The following ALDH1A1 variants were observed in gnomAD, a reference collection of about 807,000 sequenced individuals.
The protein encoded by ALDH1A1 is aldehyde dehydrogenase 1A1.
Under a neutral mutation model 62.1 loss-of-function variants are expected in ALDH1A1, and 19 were observed. The ratio of observed to expected loss-of-function variants is 0.31; its 90% CI spans 0.21 to 0.45. The LOEUF (loss-of-function observed/expected upper bound fraction) is 0.45, where lower values mean the gene tolerates loss of function less well. ALDH1A1 is among the 20% of genes least tolerant of loss of function. The pLI is 1.00. For missense variants in ALDH1A1, 521 were observed against 607.1 expected, an observed-to-expected ratio of 0.86 and a Z score of 1.49; for synonymous variants, 231 against 215.9, an observed-to-expected ratio of 1.07 and a Z score of -0.61.
Position 72,901,050 on chromosome 9 carries a change from A to G in ALDH1A1, c.*158T>C. The G allele has an allele frequency of 2.1e-6, 1 of 485,514 alleles. No homozygotes were observed. The highest frequency in any genetic ancestry group is 3.7e-6 in the Non-Finnish European group (1 of 273,370). 30.1% of individuals were successfully genotyped at this position (485,514 alleles called of 1,614,324 possible). A position where few individuals can be genotyped will look rare whatever the true frequency, so the allele number is the denominator to read the frequency against. On this transcript the variant is annotated 3_prime_UTR_variant, in exon 13 of 13. Coordinates refer to ENST00000297785, the MANE Select transcript of ALDH1A1 (RefSeq NM_000689.5). ...AAATAATTCTTTCAGAAGAAGCTAC[A>G]TGTCAAGTTTTCTATGGGTAGTATT...
intron 2 of ALDH1A1, among the ~76,000 whole-genome samples, chr9:72,937,097 T>A (rs961223535): frequency 2.0e-5 from 3 of 152,056 alleles, no homozygotes; most frequent in African/African-American, 7.2e-5. Context: ...AATAGTCAGG[T>A]TAGTACTAAA....
chr9:72,949,309 G>A (rs1293011637), intron 1 of ALDH1A1, among the ~76,000 whole-genome samples: 1 of 151,882 alleles, frequency 6.6e-6, no homozygotes, highest in East Asian at 1.9e-4. Context: ...CAGCTGGAAA[G>A]ACCATGGTAA....
At chr9:72,912,964 C>T (rs189230701) in intron 9 of ALDH1A1, among the ~76,000 whole-genome samples, 1 of 152,142 alleles carries the variant, frequency 6.6e-6, no homozygotes, top group Non-Finnish European at 1.5e-5. Context: ...TCTTGGATTC[C>T]AAGTAACCGG....
intron 11 of ALDH1A1, among the ~76,000 whole-genome samples, chr9:72,908,568 A>G (rs1453109686): frequency 2.0e-5 from 1 of 49,938 alleles, no homozygotes; most frequent in African/African-American, 5.6e-5. Flanking sequence ...AGAAAGAAAG[A>G]AAGAAAGAAA....
Position 72,948,392 on chromosome 9 carries a change from G to T in ALDH1A1, c.66+4543C>A, listed in dbSNP as rs147589314. 1.3e-3 allele frequency among the ~76,000 whole-genome samples: 199 copies of T among 152,002 alleles called. 3 individuals are homozygous for T. Among genetic ancestry groups the T allele is most frequent in the South Asian group, 0.011 (52 of 4,810 alleles). On this transcript the variant is annotated intron_variant, in intron 1 of 12. Coordinates refer to ENST00000297785, the MANE Select transcript of ALDH1A1 (RefSeq NM_000689.5). ...TGATCTTCCTCAAAATCCGCCAGCC[G>T]ATCTGGCCCCAGCCTGTACTTCAGT... is the stretch of plus-strand genomic sequence containing the variant.
At position 72,917,020 on chromosome 9, in the gene ALDH1A1, T is replaced by A. The variant is rs748607020; in HGVS notation, c.935A>T (p.Glu312Val). The A allele has an allele frequency of 1.2e-6, 2 of 1,613,924 alleles. No individual in the cohort carries two copies. The highest frequency in any genetic ancestry group is 1.7e-6 in the Non-Finnish European group (2 of 1,179,870). Residue 312 changes from glutamate to valine, a missense_variant, in exon 9 of 13, where the codon GAA becomes GTA. By Grantham distance (121) the Glu-to-Val change is moderately radical. Coordinates refer to ENST00000297785, the MANE Select transcript of ALDH1A1 (RefSeq NM_000689.5). ...CCIAASRIFV[E>V]ESIYDEFVRR... The stretch of plus-strand genomic sequence containing the variant: ...AACAAACTCATCATAAATTGATTCT[T>A]CCACAAAAATCCTGGATGCGGCTAT...
intron 1 of ALDH1A1, among the ~76,000 whole-genome samples, chr9:72,949,987 C>T (rs1830523414): frequency 6.6e-6 from 1 of 151,662 alleles, no homozygotes; most frequent in Non-Finnish European, 1.5e-5. Flanking sequence ...CAATCTTTGT[C>T]AGATGGGACA....
intron 3 of ALDH1A1, among the ~76,000 whole-genome samples, chr9:72,930,568 T>C (rs1351132767): frequency 1.3e-5 from 2 of 152,170 alleles, no homozygotes; most frequent in African/African-American, 4.8e-5. Flanking sequence ...TCAAACTTCA[T>C]GTGATCTTAT....
chr9:72,952,689 T>C (rs1180823249), intron 1 of ALDH1A1, among the ~76,000 whole-genome samples: 1 of 152,004 alleles, frequency 6.6e-6, no homozygotes, highest in Non-Finnish European at 1.5e-5. Flanking sequence ...TAAGAATCCT[T>C]TCACACAGAA....
Position 72,908,459 on chromosome 9 carries a change from A to AGT in ALDH1A1, c.1358+1142_1358+1143insAC, listed in dbSNP as rs1829908483. ...CAAAAAAAAAAAAAAAAAAAAAAAA[A>AGT]AGAAGAAAGAAAAGAAAAGAGAGAA... is the stretch of plus-strand genomic sequence containing the variant. On this transcript the variant is annotated intron_variant, in intron 11 of 12. Transcript: ENST00000297785. Among the ~76,000 whole-genome samples, 2 of 60,316 alleles carry AGT rather than the reference A, an allele frequency of 3.3e-5. 1 individual carries two copies. Among genetic ancestry groups the AGT allele is most frequent in the Admixed American group, 3.7e-4 (2 of 5,378 alleles). The allele number at this position is 60,316 out of a possible 152,430, so 39.6% of individuals were successfully genotyped here. A position where few individuals can be genotyped will look rare whatever the true frequency, so the allele number is the denominator to read the frequency against.
At chr9:72,952,236 C>T (rs573524110) in intron 1 of ALDH1A1, among the ~76,000 whole-genome samples, 1 of 152,092 alleles carries the variant, frequency 6.6e-6, no homozygotes, top group South Asian at 2.1e-4. Flanking sequence ...TTCAGAGTTA[C>T]TCTCAGAACG....
At chr9:72,942,053 A>G (rs906802386) in intron 1 of ALDH1A1, among the ~76,000 whole-genome samples, 3 of 152,186 alleles carry the variant, frequency 2.0e-5, no homozygotes, top group Non-Finnish European at 2.9e-5. Flanking sequence ...ACAGATGAAG[A>G]CCATAAAATT....
intron 1 of ALDH1A1, 128 bp from the exon 2 acceptor site, chr9:72,940,380 T>C (rs1830402008): frequency 1.5e-6 from 1 of 670,238 alleles, no homozygotes; most frequent in South Asian, 1.8e-5. Context: ...CTCTCAAAAC[T>C]TTCTGGCTGT....
intron 2 of ALDH1A1, among the ~76,000 whole-genome samples, chr9:72,932,644 A>G (rs967744434): frequency 1.3e-5 from 2 of 152,236 alleles, no homozygotes; most frequent in African/African-American, 4.8e-5. Context: ...CCTGAGAAAT[A>G]CATATACAGT....
intron 2 of ALDH1A1, among the ~76,000 whole-genome samples, chr9:72,934,262 C>T (rs1830320665): frequency 6.6e-6 from 1 of 152,120 alleles, no homozygotes; most frequent in African/African-American, 2.4e-5. Flanking sequence ...TTTAATCCTT[C>T]CTTTCAGTTT....
At chr9:72,923,158 T>A (rs914655530) in intron 7 of ALDH1A1, among the ~76,000 whole-genome samples, 2 of 152,202 alleles carry the variant, frequency 1.3e-5, no homozygotes, top group Non-Finnish European at 1.5e-5. Context: ...TTGGACATCA[T>A]CATTCCTTCT....
Position 72,940,327 on chromosome 9 carries a change from A to G in ALDH1A1, c.67-75T>C, listed in dbSNP as rs555029843. On this transcript the variant is annotated intron_variant, in intron 1 of 12. Transcript: ENST00000297785. ...ATTTTGGAAGTTTTCATAAACTTAA[A>G]CTAAAGCATTTCACCATGCCTAAAT... The G allele has an allele frequency of 7.7e-5, 81 of 1,049,848 alleles. No individual in the cohort carries two copies. In the African/African-American group the frequency reaches 1.2e-3, roughly 16 times the overall value. 65.0% of individuals were successfully genotyped at this position (1,049,848 alleles called of 1,614,324 possible).
Position 72,900,908 on chromosome 9 carries a change from C to A in ALDH1A1, c.*300G>T, listed in dbSNP as rs1409794231. The A allele has an allele frequency of 1.4e-5, 3 of 217,926 alleles. No homozygotes were observed. Among genetic ancestry groups the A allele is most frequent in the Non-Finnish European group, 2.7e-5 (3 of 109,264 alleles). The allele number at this position is 217,926 out of a possible 1,614,324, so 13.5% of individuals were successfully genotyped here. On this transcript the variant is annotated 3_prime_UTR_variant, in exon 13 of 13. Transcript: ENST00000297785. The stretch of plus-strand genomic sequence containing the variant: ...TGTTCCTTTTCTATAAAATTATTAT[C>A]CTGCAAAAGTAGCTACAAAGGAAAA...
intron 11 of ALDH1A1, among the ~76,000 whole-genome samples, chr9:72,907,100 T>C (rs1044364316): frequency 6.6e-6 from 1 of 152,220 alleles, no homozygotes; most frequent in East Asian, 1.9e-4. Context: ...GATGTTTTCT[T>C]TGTTAAAACA....
Sources: gnomAD v4.1 joint callset for allele counts (sites outside exome capture counted in the v4.1 genomes callset) on GRCh38, gnomAD v4.1.1 for gene constraint, MANE v1.5 for transcripts, NCBI Gene and HGNC (gene_info 2026-07-23, HGNC 2026-07-21) for gene names.